KIAA0319L: variants seen among roughly 807,000 people sequenced by gnomAD.
The protein encoded by KIAA0319L is KIAA0319 like.
Under a neutral mutation model 120.1 loss-of-function variants are expected in KIAA0319L, and 55 were observed. The ratio of observed to expected loss-of-function variants is 0.46; its 90% CI spans 0.37 to 0.57. KIAA0319L has a LOEUF of 0.57. Among genes scored for constraint, KIAA0319L ranks in the 20% least tolerant of loss-of-function variants. The probability of loss-of-function intolerance (pLI) is 0.00; values close to 1 mark genes in which losing one functional copy is unlikely to be tolerated. For missense variants in KIAA0319L, 1,049 were observed against 1,255.3 expected (o/e 0.84, Z 2.48); for synonymous variants, 398 against 471.9 (o/e 0.84, Z 2.03).
chr1:35,516,743 T>C (rs1256556557), intron 2 of KIAA0319L, among the ~76,000 whole-genome samples: 1 of 152,150 alleles, frequency 6.6e-6, no homozygotes. Flanking sequence ...GGCATTCAAA[T>C]AGGAGGCGAG....
intron 9 of KIAA0319L, among the ~76,000 whole-genome samples, chr1:35,457,413 C>A (rs1388107961): frequency 6.6e-6 from 1 of 151,400 alleles, no homozygotes; most frequent in Non-Finnish European, 1.5e-5. Context: ...AGGGCTGGCT[C>A]CAGTAAGGCA....
chr1:35,493,496 T>C lies in KIAA0319L; in HGVS notation c.666+13116A>G, dbSNP rs117029534. On this transcript the variant is annotated intron_variant, in intron 3 of 20. Transcript: ENST00000325722. Reference sequence around the variant, plus strand: ...GATCTTGCACATTTTTAGATTTTTTTAGAATTACAGATAAACCTGACAAAA... The same window carrying C: ...GATCTTGCACATTTTTAGATTTTTTCAGAATTACAGATAAACCTGACAAAA... Among the ~76,000 whole-genome samples the C allele has an allele frequency of 9.9e-4, 150 of 152,188 alleles. 4 individuals are homozygous for C. The East Asian group carries it at 0.027, about 28-fold the overall frequency.
intron 2 of KIAA0319L, among the ~76,000 whole-genome samples, chr1:35,516,941 G>T (rs1253864273): frequency 1.3e-5 from 2 of 152,004 alleles, no homozygotes; most frequent in Non-Finnish European, 2.9e-5. Context: ...AATCAGGAAG[G>T]CAATCCCATT....
At position 35,449,812 on chromosome 1, in the gene KIAA0319L, G is replaced by A; in HGVS notation, c.2353+55C>T. 2.5e-6 allele frequency: 4 copies of A among 1,596,934 alleles called. No homozygotes were observed. In the Admixed American group the frequency reaches 6.7e-5, roughly 27 times the overall value. On this transcript the variant is annotated intron_variant, in intron 15 of 20. Coordinates refer to ENST00000325722, the MANE Select transcript of KIAA0319L (RefSeq NM_024874.5). ...CGGGGAAGGGGATCTCAGGATAGAGGCCTTGATTGGCTGATTCAGCAATTC... is the reference window on the plus strand; with the variant it reads ...CGGGGAAGGGGATCTCAGGATAGAGACCTTGATTGGCTGATTCAGCAATTC...
intron 2 of KIAA0319L, among the ~76,000 whole-genome samples, chr1:35,547,737 AGAG>A: frequency 6.6e-6 from 1 of 152,256 alleles, no homozygotes; most frequent in South Asian, 2.1e-4. Context: ...CTGGGGGAGG[AGAG>A]GATAGGGAGT....
At chr1:35,442,136 T>C in intron 19 of KIAA0319L, 110 bp downstream of exon 19, 1 of 821,952 alleles carries the variant, frequency 1.2e-6, no homozygotes, top group Non-Finnish European at 2.1e-6. Flanking sequence ...TCTCTAATGC[T>C]GACTAAGGAC....
chr1:35,522,628 T>C (rs1645970120), intron 2 of KIAA0319L, among the ~76,000 whole-genome samples: 1 of 152,152 alleles, frequency 6.6e-6, no homozygotes, highest in Non-Finnish European at 1.5e-5. Context: ...TTATTTTCTT[T>C]TGAAAAATAA....
rs1412506220 is a variant in KIAA0319L at position 35,495,467 on chromosome 1, TA to T, written c.666+11144del. ...AAAACACAATCCATAATAGAAATAT[TA>T]ATAAACCAGACTTCATCAAAATTAA... On this transcript the variant is annotated intron_variant, in intron 3 of 20. Coordinates refer to ENST00000325722, the MANE Select transcript of KIAA0319L (RefSeq NM_024874.5). Among the ~76,000 whole-genome samples the T allele has an allele frequency of 4.6e-5, 7 of 152,252 alleles. 1 individual carries two copies. Among genetic ancestry groups the T allele is most frequent in the African/African-American group, 1.7e-4 (7 of 41,556 alleles).
At chr1:35,467,692 C>CTT (rs879572577) in intron 6 of KIAA0319L, among the ~76,000 whole-genome samples, 1 of 144,798 alleles carries the variant, frequency 6.9e-6, no homozygotes. Flanking sequence ...ATCATACAAT[C>CTT]TTTTTTTTTT....
chr1:35,481,780 C>T (rs1644173687), intron 3 of KIAA0319L, among the ~76,000 whole-genome samples: 1 of 146,280 alleles, frequency 6.8e-6, no homozygotes, highest in African/African-American at 2.5e-5. Flanking sequence ...GTAATGCCTT[C>T]TCCTCCCCAC....
At chr1:35,535,096 TAAAAAAAAAAAAAA>T (rs56965473) in intron 2 of KIAA0319L, among the ~76,000 whole-genome samples, 2 of 56,330 alleles carry the variant, frequency 3.6e-5, no homozygotes, top group Non-Finnish European at 8.2e-5. Flanking sequence ...GACTCCGTCT[TAAAAAAAAAAAAAA>T]AAAAAAAAAA....
rs968787016 is a variant in KIAA0319L at position 35,526,259 on chromosome 1, C to CAT, written c.143-19126_143-19125dup. Among the ~76,000 whole-genome samples the CAT allele has an allele frequency of 9.6e-3, 1,392 of 145,296 alleles. 13 individuals are homozygous for CAT. Among genetic ancestry groups the CAT allele is most frequent in the African/African-American group, 0.024 (949 of 39,694 alleles). Reference sequence around the variant, plus strand: ...GTTTTGGTTACTAGAATTTTATATACATATATATATATATGTATATATTTA... The same window carrying CAT: ...GTTTTGGTTACTAGAATTTTATATACATATATATATATATATGTATATATTTA... On this transcript the variant is annotated intron_variant, in intron 2 of 20. Coordinates refer to ENST00000325722, the MANE Select transcript of KIAA0319L (RefSeq NM_024874.5).
At chr1:35,472,653 G>C (rs1248171304) in intron 5 of KIAA0319L, among the ~76,000 whole-genome samples, 2 of 152,092 alleles carry the variant, frequency 1.3e-5, no homozygotes, top group Non-Finnish European at 2.9e-5. Context: ...TAGGGCAGGA[G>C]AAGGATAAAG....
chr1:35,437,232 C>T lies in KIAA0319L; in HGVS notation c.2963-2151G>A, dbSNP rs972014738. ...CTCCCATCCAATCTCACCTCTGCAGCGCGGCACTTCTCCGGGCCATCACCG... is the reference window on the plus strand; with the variant it reads ...CTCCCATCCAATCTCACCTCTGCAGTGCGGCACTTCTCCGGGCCATCACCG... On this transcript the variant is annotated intron_variant, in intron 20 of 20. Coordinates refer to ENST00000325722, the MANE Select transcript of KIAA0319L (RefSeq NM_024874.5). The surrounding 1 kb of genome is among the most constrained non-coding windows in gnomAD (Gnocchi z 4.1). 1.3e-5 allele frequency among the ~76,000 whole-genome samples: 2 copies of T among 152,152 alleles called. No homozygotes were observed. The highest frequency in any genetic ancestry group is 2.4e-5 in the African/African-American group (1 of 41,430).
chr1:35,451,060 G>A lies in KIAA0319L; in HGVS notation c.2063-551C>T, dbSNP rs138904052. Among the ~76,000 whole-genome samples, 1,288 of 152,278 alleles carry A rather than the reference G, an allele frequency of 8.5e-3. 6 individuals are homozygous for A. Among genetic ancestry groups the A allele is most frequent in the Non-Finnish European group, 0.013 (882 of 68,022 alleles). ...CTCAGCTTGGTATCTTATGTCTGGA[G>A]GTCTGCATATCTGATGGTTTTTCCT... is the stretch of plus-strand genomic sequence containing the variant. On this transcript the variant is annotated intron_variant, in intron 13 of 20. Coordinates refer to ENST00000325722, the MANE Select transcript of KIAA0319L (RefSeq NM_024874.5).
At chr1:35,550,292 GT>G (rs969958063) in intron 2 of KIAA0319L, among the ~76,000 whole-genome samples, 2 of 152,192 alleles carry the variant, frequency 1.3e-5, no homozygotes, top group Non-Finnish European at 1.5e-5. Flanking sequence ...AATTTGGTTA[GT>G]TTTTCAGAAA....
At chr1:35,526,346 CGT>C (rs200725950) in intron 2 of KIAA0319L, among the ~76,000 whole-genome samples, 4,795 of 128,086 alleles carry the variant, frequency 0.037, 209 homozygotes, top group African/African-American at 0.11. Context: ...TATATATGTA[CGT>C]GTGTGTGTGT....
Position 35,451,618 on chromosome 1 carries a change from A to G in KIAA0319L, c.2062+10T>C, listed in dbSNP as rs192190817. On this transcript the variant is annotated intron_variant, in intron 13 of 20. Transcript: ENST00000325722. ...AGAGGCTGCTACACAAACTGGAGGC[A>G]GAGAGGTACCTTCTTTGACAATGAC... The G allele has an allele frequency of 1.9e-6, 3 of 1,613,132 alleles. No individual in the cohort carries two copies. In the South Asian group the frequency reaches 3.3e-5, roughly 18 times the overall value.
Position 35,442,285 on chromosome 1 carries a change from A to G in KIAA0319L, c.2831T>C (p.Leu944Ser). Residue 944 changes from leucine (L) to serine (S), a missense_variant, in exon 19 of 21, where the codon TTG becomes TCG. Transcript: ENST00000325722. The stretch of plus-strand genomic sequence containing the variant: ...GATCACAGTCCAAGACAGGATTCCC[A>G]AGGCAACAACAATGACAAAGGTAGC... ...IIATFVIVVA[L>S]GILSWTVICC... The G allele has an allele frequency of 6.2e-7, 1 of 1,614,070 alleles. No homozygotes were observed. Among genetic ancestry groups the G allele is most frequent in the Non-Finnish European group, 8.5e-7 (1 of 1,179,898 alleles).
Sources: gnomAD v4.1 joint callset for allele counts (sites outside exome capture counted in the v4.1 genomes callset) on GRCh38, gnomAD v4.1.1 for gene constraint, Gnocchi (gnomAD v3.1) non-coding constraint, MANE v1.5 for transcripts, NCBI Gene and HGNC (gene_info 2026-07-23, HGNC 2026-07-21) for gene names.